The following SNX5 variants were observed in gnomAD, a reference collection of about 807,000 sequenced individuals.
SNX5 encodes sorting nexin 5.
In SNX5, 31 loss-of-function variants were observed where a neutral mutation model predicts 53.9. The observed-to-expected ratio is 0.58, with a 90% confidence interval of 0.43 to 0.78. The LOEUF is 0.78. SNX5 is among the 30% of genes least tolerant of loss of function. The probability of loss-of-function intolerance (pLI) is 0.00; values close to 1 mark genes in which losing one functional copy is unlikely to be tolerated. For missense variants in SNX5, 471 were observed against 478.8 expected (o/e 0.98, Z 0.15); for synonymous variants, 168 against 171.1 (o/e 0.98, Z 0.14).
In SNX5 at chr20:17,954,026, T is replaced by C; in HGVS notation, c.359A>G (p.Glu120Gly). 1 of 1,613,998 alleles carries C rather than the reference T, an allele frequency of 6.2e-7. No individual in the cohort carries two copies. The highest frequency in any genetic ancestry group is 8.5e-7 in the Non-Finnish European group (1 of 1,179,910). ...CAGTTCTTGTTTCATCTTGGCAAATTCTTCTTTGGTCATAGACCCTTCACC... is the reference window on the plus strand; with the variant it reads ...CAGTTCTTGTTTCATCTTGGCAAATCCTTCTTTGGTCATAGACCCTTCACC... Reference protein sequence around the residue: ...GEGEGSMTKEEFAKMKQELEA... With the variant: ...GEGEGSMTKEGFAKMKQELEA... The change falls in exon 4 of 13, where the codon GAA becomes GGA. Residue 120 changes from glutamate to glycine, a missense_variant. Coordinates refer to ENST00000377759, the MANE Select transcript of SNX5 (RefSeq NM_014426.4).
chr20:17,942,912 A>AGG (rs200521531), intron 12 of SNX5, 198 bp downstream of exon 12: 30,029 of 462,460 alleles, frequency 0.065, 965 homozygotes, highest in Middle Eastern at 0.1. Flanking sequence ...AAAAAAAAAA[A>AGG]GTTGCTAAAA....
rs757885596 is a variant in SNX5 at position 17,947,633 on chromosome 20, T to C, written c.931A>G (p.Arg311Gly). The C allele has an allele frequency of 1.2e-6, 2 of 1,610,646 alleles. No individual in the cohort carries two copies. The highest frequency in any genetic ancestry group is 2.2e-5 in the East Asian group (1 of 44,856). The change falls in exon 11 of 13, where the codon AGA (arginine) becomes GGA (glycine). Residue 311 changes from arginine to glycine, a missense_variant. Transcript: ENST00000377759. ...NIEAAKDLLY[R>G]RTKALIDYEN... ...TAGTCAATGAGGGCTTTGGTGCGTC[T>C]GTATAAGAGATCCTGGGAAAAAAAT...
chr20:17,961,123 C>T, intron 1 of SNX5: 6 of 985,306 alleles, frequency 6.1e-6, no homozygotes, highest in Non-Finnish European at 7.2e-6. Flanking sequence ...TTACGGAATC[C>T]CTGTGCATTT....
rs577842459 is a variant in SNX5 at position 17,956,662 on chromosome 20, G to A, written c.156+271C>T. 5.5e-5 allele frequency among the ~76,000 whole-genome samples: 6 copies of A among 110,062 alleles called. No homozygotes were observed. The South Asian group carries it at 1.8e-3, about 32-fold the overall frequency. 72.2% of individuals were successfully genotyped at this position (110,062 alleles called of 152,430 possible). ...TTCATTCCAGCCTGGGCAACACAAT[G>A]AGACTGTCTCCAAAAAAAAAAAAAA... is the stretch of plus-strand genomic sequence containing the variant. On this transcript the variant is annotated intron_variant, in intron 2 of 12. Coordinates refer to ENST00000377759, the MANE Select transcript of SNX5 (RefSeq NM_014426.4).
chr20:17,953,848 T>A, intron 4 of SNX5, 148 bp downstream of exon 4: 1 of 641,096 alleles, frequency 1.6e-6, no homozygotes. Context: ...ATGCAAGATG[T>A]ATTACTAGTT....
Position 17,954,003 on chromosome 20 carries a change from G to C in SNX5, c.382C>G (p.Leu128Val), listed in dbSNP as rs758612407. 1 of 1,613,604 alleles carries C rather than the reference G, an allele frequency of 6.2e-7. No individual in the cohort carries two copies. Among genetic ancestry groups the C allele is most frequent in the Non-Finnish European group, 8.5e-7 (1 of 1,179,650 alleles). ...CCAGGAAAATCCACTTACGCTTCCA[G>C]TTCTTGTTTCATCTTGGCAAATTCT... ...KEEFAKMKQE[L>V]EAEYLAVFKK... is the part of the protein sequence containing the mutation. The change falls in exon 4 of 13, where the codon CTG (leucine) becomes GTG (valine). Residue 128 changes from leucine to valine, a missense_variant. Coordinates refer to ENST00000377759, the MANE Select transcript of SNX5 (RefSeq NM_014426.4).
Position 17,952,710 on chromosome 20 carries a change from A to G in SNX5, c.390T>C (p.Ala130=). Residue 130 remains alanine (A), a splice_region_variant and synonymous_variant, in exon 5 of 13, where the codon GCT becomes GCC. Transcript: ENST00000377759. The part of the protein sequence containing the change: ...EFAKMKQELE[A]EYLAVFKKTV... ...TCTTCTTAAACACAGCGAGATACTC[A>G]CTGAAAAGAGATGTGCACATGGCAT... 1 of 1,611,416 alleles carries G rather than the reference A, an allele frequency of 6.2e-7. No homozygotes were observed. The highest frequency in any genetic ancestry group is 2.2e-5 in the East Asian group (1 of 44,854).
chr20:17,950,531 AG>A (rs2039552366), intron 6 of SNX5, 135 bp from the exon 7 acceptor site: 2 of 590,558 alleles, frequency 3.4e-6, no homozygotes, highest in Non-Finnish European at 3.0e-6. Flanking sequence ...TCTACAGATC[AG>A]GGAATTACAA....
chr20:17,964,254 T>G (rs1390873627), intron 1 of SNX5, among the ~76,000 whole-genome samples: 1 of 152,210 alleles, frequency 6.6e-6, no homozygotes, highest in Admixed American at 6.5e-5. Flanking sequence ...CATCTGGATT[T>G]GTATTCCTCA....
intron 1 of SNX5, chr20:17,962,645 CATAGCTA>C: frequency 2.3e-6 from 1 of 440,036 alleles, no homozygotes. Flanking sequence ...AGTCTACTAA[CATAGCTA>C]ATAGCTATTA....
chr20:17,942,450 C>T, intron 12 of SNX5, 43 bp from the exon 13 acceptor site: 1 of 1,465,728 alleles, frequency 6.8e-7, no homozygotes, highest in Non-Finnish European at 9.6e-7. Flanking sequence ...ATTATTAAAA[C>T]TTGCCATATA....
chr20:17,943,580 G>A (rs921109026), intron 11 of SNX5: 5 of 171,576 alleles, frequency 2.9e-5, no homozygotes, highest in African/African-American at 1.2e-4. Flanking sequence ...CTTCTCAAAA[G>A]AAGACATACC....
rs563454210 is a variant in SNX5 at position 17,951,948 on chromosome 20, G to A, written c.514-353C>T. Among the ~76,000 whole-genome samples the A allele has an allele frequency of 8.5e-5, 13 of 152,358 alleles. No homozygotes were observed. The South Asian group carries it at 2.7e-3, about 32-fold the overall frequency. ...CATAAAAGTCATAATTCGCGGCCGG[G>A]CGCAGTGGCTCACGCCTGTAATCCC... On this transcript the variant is annotated intron_variant, in intron 5 of 12. Transcript: ENST00000377759.
intron 1 of SNX5, among the ~76,000 whole-genome samples, chr20:17,964,487 C>T (rs1351871094): frequency 6.6e-6 from 1 of 152,194 alleles, no homozygotes; most frequent in African/African-American, 2.4e-5. Flanking sequence ...TGCCTTTAGG[C>T]AGCATGTGAA....
intron 2 of SNX5, among the ~76,000 whole-genome samples, chr20:17,955,679 C>A (rs1246373582): frequency 6.6e-6 from 1 of 152,218 alleles, no homozygotes; most frequent in African/African-American, 2.4e-5. Context: ...CAAACTCCAC[C>A]TTTCTGAAGC....
In SNX5 at chr20:17,954,035, GTCATAGACCCT is replaced by G. The variant is rs1877782574; in HGVS notation, c.339_349del (p.Glu113AspfsTer15). On this transcript the variant is annotated frameshift_variant, in exon 4 of 13. Transcript: ENST00000377759. LOFTEE classifies it high-confidence loss of function. Reference sequence around the variant, plus strand: ...TTTCATCTTGGCAAATTCTTCTTTGGTCATAGACCCTTCACCTTCTCCCAGTTTCTGCATCT... The same window carrying G: ...TTTCATCTTGGCAAATTCTTCTTTGGTCACCTTCTCCCAGTTTCTGCATCT... 3 of 1,613,824 alleles carry G rather than the reference GTCATAGACCCT, an allele frequency of 1.9e-6. No homozygotes were observed. The highest frequency in any genetic ancestry group is 2.5e-6 in the Non-Finnish European group (3 of 1,179,920).
chr20:17,945,179 C>T (rs2039470737), intron 11 of SNX5: 1 of 152,230 alleles, frequency 6.6e-6, no homozygotes, highest in African/African-American at 2.4e-5. Context: ...TGATGTTTAT[C>T]AGTCCCTTGG....
At chr20:17,968,221 C>T (rs946710642) in intron 1 of SNX5, 154 bp downstream of exon 1, 2 of 493,984 alleles carry the variant, frequency 4.0e-6, no homozygotes, top group Non-Finnish European at 6.4e-6. Flanking sequence ...TCAGTGAAGA[C>T]CAGGGAGAGG....
At chr20:17,963,514 C>G (rs1351517054) in intron 1 of SNX5, among the ~76,000 whole-genome samples, 2 of 152,166 alleles carry the variant, frequency 1.3e-5, no homozygotes, top group South Asian at 2.1e-4. Context: ...TTACTCAGAG[C>G]TAAAAGCCTT....
Sources: gnomAD v4.1 joint callset for allele counts (sites outside exome capture counted in the v4.1 genomes callset) on GRCh38, gnomAD v4.1.1 for gene constraint, MANE v1.5 for transcripts, NCBI Gene and HGNC (gene_info 2026-07-23, HGNC 2026-07-21) for gene names.